LINGO2: variants seen among roughly 807,000 people sequenced by gnomAD.
The protein encoded by LINGO2 is leucine rich repeat and Ig domain containing 2.
In LINGO2, 14 loss-of-function variants were observed where a neutral mutation model predicts 30.6. The ratio of observed to expected loss-of-function variants is 0.46; its 90% CI spans 0.30 to 0.72. The LOEUF (loss-of-function observed/expected upper bound fraction) is 0.72, where lower values mean the gene tolerates loss of function less well. Among genes scored for constraint, LINGO2 ranks in the 30% least tolerant of loss-of-function variants. The pLI, the probability that LINGO2 is intolerant of heterozygous loss-of-function variation, is 0.07. For synonymous variants in LINGO2, 317 were observed against 288.5 expected (o/e 1.10, Z -1.00); for missense variants, 729 against 751.7 (o/e 0.97, Z 0.35).
chr9:28,828,116 C>A, the LINGO2 span, among the ~76,000 whole-genome samples: 1 of 151,686 alleles, frequency 6.6e-6, no homozygotes, highest in South Asian at 2.1e-4. Flanking sequence ...AATATATATA[C>A]ATATATTTAT....
intron 2 of LINGO2, among the ~76,000 whole-genome samples, chr9:28,434,932 T>C (rs576824576): frequency 1.9e-4 from 29 of 152,138 alleles, no homozygotes; most frequent in Non-Finnish European, 1.5e-5. Context: ...ATTCTATTGT[T>C]AGCTTAGAGT....
the LINGO2 span, among the ~76,000 whole-genome samples, chr9:29,001,852 G>C: frequency 6.6e-6 from 1 of 151,838 alleles, no homozygotes; most frequent in Non-Finnish European, 1.5e-5. Flanking sequence ...ACCTCAAATA[G>C]CAAATACATT....
At chr9:28,311,145 G>A (rs902169146) in intron 3 of LINGO2, among the ~76,000 whole-genome samples, 4 of 151,884 alleles carry the variant, frequency 2.6e-5, no homozygotes, top group African/African-American at 9.7e-5. Flanking sequence ...GTTCTGTGAT[G>A]CCCCCCGAGC....
the LINGO2 span, among the ~76,000 whole-genome samples, chr9:29,155,709 G>C: frequency 6.6e-6 from 1 of 151,764 alleles, no homozygotes; most frequent in Non-Finnish European, 1.5e-5. Flanking sequence ...TACAAAATTA[G>C]CTTTTATAAA....
the LINGO2 span, among the ~76,000 whole-genome samples, chr9:28,902,913 C>T: frequency 4.0e-5 from 6 of 151,136 alleles, no homozygotes; most frequent in Admixed American, 3.3e-4. Flanking sequence ...TAAACACCTA[C>T]ATAAAAAATA....
chr9:28,959,587 A>ATC, the LINGO2 span, among the ~76,000 whole-genome samples: 7 of 107,532 alleles, frequency 6.5e-5, no homozygotes, highest in East Asian at 3.3e-4. Flanking sequence ...CTTTTCTTTT[A>ATC]TCTCTCTCTC....
Position 28,225,628 on chromosome 9 carries a change from T to C in LINGO2, c.-87+69580A>G, listed in dbSNP as rs7849445. On this transcript the variant is annotated intron_variant, in intron 4 of 5. Transcript: ENST00000379992. ...ATTTCAATAAATATAATGAACAAAATATAAATACCCTTTATATATAAAGCA... is the reference window on the plus strand; with the variant it reads ...ATTTCAATAAATATAATGAACAAAACATAAATACCCTTTATATATAAAGCA... 8.7e-3 allele frequency among the ~76,000 whole-genome samples: 1,327 copies of C among 152,102 alleles called. 21 individuals are homozygous for C. The highest frequency in any genetic ancestry group is 0.03 in the African/African-American group (1,249 of 41,518).
chr9:27,969,618 G>C (rs1213551098), intron 5 of LINGO2, among the ~76,000 whole-genome samples: 3 of 152,074 alleles, frequency 2.0e-5, no homozygotes, highest in Non-Finnish European at 4.4e-5. Flanking sequence ...AAGTTTACTT[G>C]TACAAGGACT....
intron 4 of LINGO2, among the ~76,000 whole-genome samples, chr9:28,145,768 A>G (rs979885071): frequency 6.6e-6 from 1 of 152,066 alleles, no homozygotes; most frequent in African/African-American, 2.4e-5. Context: ...TTTTTATACA[A>G]TTTTAAACAT....
chr9:28,429,579 C>A (rs1823563165), intron 2 of LINGO2, among the ~76,000 whole-genome samples: 1 of 152,118 alleles, frequency 6.6e-6, no homozygotes, highest in Admixed American at 6.5e-5. Context: ...CCACCCCCAC[C>A]TTTTTCAGTT....
chr9:28,166,203 C>G (rs946482252), intron 4 of LINGO2, among the ~76,000 whole-genome samples: 13 of 152,134 alleles, frequency 8.5e-5, no homozygotes, highest in African/African-American at 3.1e-4. Context: ...AACAAACAAA[C>G]AAAAACCCAT....
intron 1 of LINGO2, among the ~76,000 whole-genome samples, chr9:28,601,878 GA>G (rs1372170021): frequency 1.3e-5 from 2 of 152,004 alleles, no homozygotes; most frequent in East Asian, 1.9e-4. Context: ...TAAAGCTAGT[GA>G]AAAAAGGCAG....
the LINGO2 span, among the ~76,000 whole-genome samples, chr9:28,728,727 G>C: frequency 6.6e-6 from 1 of 151,828 alleles, no homozygotes; most frequent in Non-Finnish European, 1.5e-5. Context: ...AAGGAATGGG[G>C]CAAAAAGAGA....
chr9:28,187,804 A>G lies in LINGO2; in HGVS notation c.-87+107404T>C, dbSNP rs1410557546. ...ATAATTGTTACTTCTTAACATACAT[A>G]TGATAACGTGATCTCTAAGGCTTTT... On this transcript the variant is annotated intron_variant, in intron 4 of 5. Coordinates refer to ENST00000379992, the Ensembl canonical transcript of LINGO2. Among the ~76,000 whole-genome samples, 3 of 152,198 alleles carry G rather than the reference A, an allele frequency of 2.0e-5. No individual in the cohort carries two copies. The East Asian group carries it at 5.8e-4, about 29-fold the overall frequency.
intron 4 of LINGO2, among the ~76,000 whole-genome samples, chr9:28,018,054 T>A (rs1386012636): frequency 1.3e-5 from 2 of 151,992 alleles, no homozygotes; most frequent in African/African-American, 4.8e-5. Flanking sequence ...AATAATGCCA[T>A]ATGCCTACAA....
the LINGO2 span, among the ~76,000 whole-genome samples, chr9:29,117,486 A>G: frequency 0.2 from 30,046 of 152,106 alleles, 3,066 homozygotes; most frequent in South Asian, 0.25. Flanking sequence ...TGATCCTACA[A>G]GGATTTCTGT....
intron 3 of LINGO2, among the ~76,000 whole-genome samples, chr9:28,336,205 C>T (rs1194472924): frequency 6.6e-6 from 1 of 151,940 alleles, no homozygotes; most frequent in East Asian, 1.9e-4. Context: ...GTGCTTACTT[C>T]TCATTTGTAT....
the LINGO2 span, among the ~76,000 whole-genome samples, chr9:29,200,899 G>A: frequency 1.3e-5 from 2 of 151,936 alleles, no homozygotes; most frequent in African/African-American, 4.8e-5. Flanking sequence ...AATGTTCCTT[G>A]GTTGGGATTT....
chr9:28,009,716 G>C (rs1822459802), intron 5 of LINGO2, among the ~76,000 whole-genome samples: 1 of 152,170 alleles, frequency 6.6e-6, no homozygotes, highest in African/African-American at 2.4e-5. Flanking sequence ...ATAGCAACAA[G>C]TGTTGACAAT....
Sources: allele counts gnomAD v4.1 joint callset (sites outside exome capture counted in the v4.1 genomes callset), GRCh38; gene constraint gnomAD v4.1.1; transcripts MANE v1.5; gene names NCBI Gene and HGNC (gene_info 2026-07-23, HGNC 2026-07-21).